Variants in PFAS observed in about 807,000 individuals in gnomAD.
PFAS encodes phosphoribosylformylglycinamidine synthase.
PFAS carries 97 observed loss-of-function variants against 140.6 expected under a neutral mutation model. The observed-to-expected ratio is 0.69, with a 90% CI of 0.59 to 0.82. The LOEUF is 0.82. PFAS is among the 40% of genes least tolerant of loss of function. PFAS has a pLI of 0.00. For synonymous variants in PFAS, 679 were observed against 718.8 expected (o/e 0.94, Z 0.88); for missense variants, 1,656 against 1,780.2 (o/e 0.93, Z 1.26).
At chr17:8,248,878 A>G (rs928592986), upstream of PFAS, among the ~76,000 whole-genome samples, 2 of 152,030 alleles carry the variant, frequency 1.3e-5, no homozygotes, top group Non-Finnish European at 2.9e-5. Context: ...CTCCTAAGTG[A>G]CATCCTGTCC....
At chr17:8,264,623 T>TGCCCCCTGCCTCCTTCCTCC (rs1408787486) in intron 17 of PFAS, 22 bp downstream of exon 17, 12 of 1,579,164 alleles carry the variant, frequency 7.6e-6, no homozygotes, top group Non-Finnish European at 9.5e-6. Flanking sequence ...ACCCTTCCTC[T>TGCCCCCTGCCTCCTTCCTCC]GCCCCCTGCC....
chr17:8,261,835 T>C (rs1989606063), intron 11 of PFAS, among the ~76,000 whole-genome samples: 7 of 151,938 alleles, frequency 4.6e-5, no homozygotes, highest in Admixed American at 3.9e-4. Context: ...GGTCTCGAAT[T>C]CCTGAGCTCA....
chr17:8,267,530 TC>T lies in PFAS; in HGVS notation c.3268-16del, dbSNP rs1300389833. 6.3e-7 allele frequency: 1 copy of T among 1,578,252 alleles called. No individual in the cohort carries two copies. Among genetic ancestry groups the T allele is most frequent in the Non-Finnish European group, 8.7e-7 (1 of 1,147,644 alleles). ...CAGCTGCGTGTCCTCCCACCCACAC[TC>T]CCCCTCCCCACCTTCGCAGGTATGG... is the stretch of plus-strand genomic sequence containing the variant. On this transcript the variant is annotated intron_variant, in intron 25 of 27. Coordinates refer to ENST00000314666, the MANE Select transcript of PFAS (RefSeq NM_012393.3). This position sits in a 1 kb window ranked among gnomAD's most constrained non-coding sequence, Gnocchi z 4.9.
In PFAS at chr17:8,267,711, A is replaced by T. The variant is rs1391693081; in HGVS notation, c.3382+46A>T. 9.0e-7 allele frequency: 1 copy of T among 1,110,752 alleles called. No homozygotes were observed. Among genetic ancestry groups the T allele is most frequent in the Admixed American group, 1.9e-5 (1 of 53,914 alleles). The allele number at this position is 1,110,752 out of a possible 1,614,324, so 68.8% of individuals were successfully genotyped here. A position where few individuals can be genotyped will look rare whatever the true frequency, so the allele number is the denominator to read the frequency against. On this transcript the variant is annotated intron_variant, in intron 26 of 27. Transcript: ENST00000314666. The surrounding 1 kb of genome is among the most constrained non-coding windows in gnomAD (Gnocchi z 4.9). ...CCACTCCCTTCCCCCACATTCCTGA[A>T]GAGGTGCCTTTAGCCCCATCTTCCT...
rs35025606 is a variant in PFAS, at chr17:8,263,910, G to T, written c.1765G>T (p.Val589Leu). 16 of 1,613,456 alleles carry T rather than the reference G, an allele frequency of 9.9e-6. No individual in the cohort carries two copies. The highest frequency in any genetic ancestry group is 1.3e-5 in the African/African-American group (1 of 74,910). ...SARERCPACF[V>L]GTITGDRRIV... Reference sequence around the variant, plus strand: ...CCGTGAACGTTGCCCGGCTTGCTTCGTGGGCACCATCACTGGAGACCGGAG... The same window carrying T: ...CCGTGAACGTTGCCCGGCTTGCTTCTTGGGCACCATCACTGGAGACCGGAG... Residue 589 changes from valine to leucine, a missense_variant, in exon 15 of 28, where the codon GTG (valine) becomes TTG (leucine). Val to Leu is a conservative substitution (Grantham distance 32). Transcript: ENST00000314666.
Position 8,267,540 on chromosome 17 carries a change from C to T in PFAS, c.3268-11C>T, listed in dbSNP as rs1277275913. ...TCCTCCCACCCACACTCCCCCTCCC[C>T]ACCTTCGCAGGTATGGGACGTGACC... On this transcript the variant is annotated splice_polypyrimidine_tract_variant and intron_variant, in intron 25 of 27. Coordinates refer to ENST00000314666, the MANE Select transcript of PFAS (RefSeq NM_012393.3). The surrounding 1 kb of genome is among the most constrained non-coding windows in gnomAD (Gnocchi z 4.9). 1.3e-6 allele frequency: 2 copies of T among 1,590,884 alleles called. No homozygotes were observed. The highest frequency in any genetic ancestry group is 4.5e-5 in the East Asian group (2 of 44,790).
Position 8,268,764 on chromosome 17 carries a change from G to A in PFAS, c.3614G>A (p.Arg1205His), listed in dbSNP as rs778606190. 3.7e-6 allele frequency: 6 copies of A among 1,611,030 alleles called. No homozygotes were observed. The highest frequency in any genetic ancestry group is 1.3e-5 in the African/African-American group (1 of 74,942). Residue 1205 changes from arginine (R) to histidine (H), a missense_variant, in exon 27 of 28, where the codon CGC becomes CAC. By Grantham distance (29) the Arg-to-His change is conservative (BLOSUM62 0). This residue lies in a region of PFAS where 883 missense variants were observed against 1,023.0 expected (regional missense o/e 0.86). Transcript: ENST00000314666. ...RHNLSGRYES[R>H]WASVRVGPGP... ...AACCTGTCTGGGCGCTACGAGTCTCGCTGGGCCAGCGTGCGTGTGGGGCCT... is the reference window on the plus strand; with the variant it reads ...AACCTGTCTGGGCGCTACGAGTCTCACTGGGCCAGCGTGCGTGTGGGGCCT...
At chr17:8,264,038 A>G (rs112509279) in intron 15 of PFAS, 102 bp downstream of exon 15, 2 of 1,494,730 alleles carry the variant, frequency 1.3e-6, no homozygotes, top group African/African-American at 2.7e-5. Flanking sequence ...CGAGAGGAAG[A>G]TGGGAGGTAG....
At chr17:8,264,400 G>C in intron 16 of PFAS, 63 bp downstream of exon 16, 2 of 1,612,038 alleles carry the variant, frequency 1.2e-6, no homozygotes, top group South Asian at 2.2e-5. Context: ...TTTACCCTAC[G>C]TGCACTTTGT....
intron 14 of PFAS, 44 bp from the exon 15 acceptor site, chr17:8,263,731 G>A (rs766186553): frequency 6.2e-7 from 1 of 1,607,986 alleles, no homozygotes; most frequent in Non-Finnish European, 8.5e-7. Flanking sequence ...AGACGTGGGA[G>A]TGCCCACTGG....
Position 8,267,046 on chromosome 17 carries a change from G to T in PFAS, c.2986G>T (p.Gly996Trp), listed in dbSNP as rs199963268. Residue 996 changes from glycine to tryptophan, a missense_variant, in exon 24 of 28, where the codon GGG becomes TGG. Gly to Trp is a radical substitution (Grantham distance 184, BLOSUM62 -2). This residue lies in a region of PFAS where 883 missense variants were observed against 1,023.0 expected (regional missense o/e 0.86). Coordinates refer to ENST00000314666, the MANE Select transcript of PFAS (RefSeq NM_012393.3). This position sits in a 1 kb window ranked among gnomAD's most constrained non-coding sequence, Gnocchi z 4.9. ...PHAMVRVSVNGAVVLEEPVGE... is the reference protein window; with the variant it reads ...PHAMVRVSVNWAVVLEEPVGE... ...TTCCTAGGTCCGGGTGTCAGTGAAC[G>T]GGGCTGTGGTTCTGGAGGAGCCTGT... The T allele has an allele frequency of 6.2e-7, 1 of 1,613,984 alleles. No homozygotes were observed. Among genetic ancestry groups the T allele is most frequent in the Non-Finnish European group, 8.5e-7 (1 of 1,180,030 alleles).
At chr17:8,258,623 C>T (rs748073397) in intron 11 of PFAS, among the ~76,000 whole-genome samples, 51 of 152,056 alleles carry the variant, frequency 3.4e-4, no homozygotes, top group Non-Finnish European at 6.9e-4. Context: ...GGTGGATCAC[C>T]TGAGATCAGG....
chr17:8,264,997 C>T lies in PFAS; in HGVS notation c.2152C>T (p.Leu718Phe). 6.2e-7 allele frequency: 1 copy of T among 1,613,494 alleles called. No individual in the cohort carries two copies. Among genetic ancestry groups the T allele is most frequent in the Non-Finnish European group, 8.5e-7 (1 of 1,179,876 alleles). ...VAVVALSHEE[L>F]IGAATALGEQ... ...GGTTGTGGCACTGAGCCATGAGGAG[C>T]TCATAGGGGCTGCCACAGCCTTGGG... The change falls in exon 18 of 28, where the codon CTC (leucine) becomes TTC (phenylalanine). Residue 718 changes from leucine (L) to phenylalanine (F), a missense_variant. Coordinates refer to ENST00000314666, the MANE Select transcript of PFAS (RefSeq NM_012393.3).
intron 18 of PFAS, 60 bp from the exon 19 acceptor site, chr17:8,265,228 G>A (rs1056449511): frequency 3.0e-5 from 47 of 1,581,224 alleles, no homozygotes; most frequent in Non-Finnish European, 4.1e-5. Context: ...CAGTCCGCCT[G>A]CACCCCTGGC....
chr17:8,265,166 T>G, intron 18 of PFAS, 41 bp downstream of exon 18: 1 of 1,567,386 alleles, frequency 6.4e-7, no homozygotes, highest in African/African-American at 1.4e-5. Context: ...CCCCCGGGCT[T>G]CAGGACCCTT....
Position 8,265,440 on chromosome 17 carries a change from G to A in PFAS, c.2433G>A (p.Arg811=). ...GGKDSLSMAA[R]VGTETVRAPG... ...AGGACTCCCTCAGCATGGCTGCTCG[G>A]GTTGGCACTGAGACCGTGCGGGCTC... Residue 811 remains arginine (R), a synonymous_variant, in exon 19 of 28, where the codon CGG becomes CGA. Transcript: ENST00000314666. 6.2e-7 allele frequency: 1 copy of A among 1,614,094 alleles called. No individual in the cohort carries two copies. The highest frequency in any genetic ancestry group is 8.5e-7 in the Non-Finnish European group (1 of 1,180,006).
intron 1 of PFAS, among the ~76,000 whole-genome samples, chr17:8,250,644 G>C (rs1989113832): frequency 6.6e-6 from 1 of 152,184 alleles, no homozygotes; most frequent in Non-Finnish European, 1.5e-5. Flanking sequence ...GTTTGGGATA[G>C]ATGGGGAGGG....
upstream of PFAS, chr17:8,247,696 C>G (rs1988870631): frequency 2.8e-6 from 1 of 360,492 alleles, no homozygotes; most frequent in Non-Finnish European, 5.2e-6. Flanking sequence ...ACAGCTCCGT[C>G]AAGGGTCTTC....
At position 8,251,502 on chromosome 17, in the gene PFAS, G is replaced by A. The variant is rs117846615; in HGVS notation, c.-80+2163G>A. 1.1e-3 allele frequency among the ~76,000 whole-genome samples: 168 copies of A among 151,636 alleles called. 6 individuals are homozygous for A. The East Asian group carries it at 0.031, about 28-fold the overall frequency. On this transcript the variant is annotated intron_variant, in intron 1 of 27. Transcript: ENST00000314666. ...GGTCTTACCATGTTGCCCAGGGCTG[G>A]TCTCAAACTCCTGGGCTCAAGCAGT... is the stretch of plus-strand genomic sequence containing the variant.
Sources: allele counts gnomAD v4.1 joint callset (sites outside exome capture counted in the v4.1 genomes callset), GRCh38; gene constraint gnomAD v4.1.1; regional missense constraint gnomAD v4.1.1; non-coding constraint Gnocchi (gnomAD v3.1); transcripts MANE v1.5; gene names NCBI Gene and HGNC (gene_info 2026-07-23, HGNC 2026-07-21).